The following SPATA1 variants were observed in gnomAD, a reference collection of about 807,000 sequenced individuals.
SPATA1 encodes spermatogenesis-associated protein 1.
A neutral mutation model predicts 59.6 loss-of-function variants in SPATA1; 57 were observed. The observed-to-expected ratio is 0.96, with a 90% confidence interval of 0.77 to 1.19. The LOEUF is 1.19. SPATA1 is among the 50% of genes most tolerant of loss of function. The pLI, the probability that SPATA1 is intolerant of heterozygous loss-of-function variation, is 0.00. For missense variants in SPATA1, 448 were observed against 480.7 expected (o/e 0.93, Z 0.64); for synonymous variants, 147 against 163.9 (o/e 0.90, Z 0.79).
intron 1 of SPATA1, chr1:84,507,349 C>T (rs985210897): frequency 3.9e-5 from 6 of 152,162 alleles, no homozygotes; most frequent in African/African-American, 1.4e-4. Flanking sequence ...CAAAAATGTA[C>T]ATCGTAAGTT....
intron 2 of SPATA1, among the ~76,000 whole-genome samples, chr1:84,517,287 T>C (rs1173632057): frequency 1.3e-5 from 2 of 152,120 alleles, no homozygotes; most frequent in African/African-American, 2.4e-5. Context: ...GACCTCTTAA[T>C]TTTGGCATAC....
chr1:84,511,460 G>A (rs1368531390), intron 1 of SPATA1, among the ~76,000 whole-genome samples: 1 of 152,034 alleles, frequency 6.6e-6, no homozygotes, highest in Non-Finnish European at 1.5e-5. Context: ...TCAACACTAG[G>A]ACGTGTCTAG....
chr1:84,550,875 T>C (rs1684250215), intron 12 of SPATA1: 19 of 985,564 alleles, frequency 1.9e-5, no homozygotes, highest in Non-Finnish European at 2.3e-5. Flanking sequence ...AGCTCTCCTC[T>C]GAACTGACAT....
At position 84,525,258 on chromosome 1, in the gene SPATA1, C is replaced by A. The variant is rs897467013; in HGVS notation, c.262-438C>A. ...CTGAGATTACAGGCGTGAGTCACCA[C>A]GCCCAGTCCCCCAATATTTGTTAAA... On this transcript the variant is annotated intron_variant, in intron 4 of 12. Coordinates refer to ENST00000490879, the Ensembl canonical transcript of SPATA1. Among the ~76,000 whole-genome samples the A allele has an allele frequency of 2.0e-5, 3 of 152,204 alleles. No individual in the cohort carries two copies. In the East Asian group the frequency reaches 5.8e-4, roughly 29 times the overall value.
intron 8 of SPATA1, among the ~76,000 whole-genome samples, chr1:84,542,914 G>A (rs577416831): frequency 6.6e-6 from 1 of 152,216 alleles, no homozygotes; most frequent in South Asian, 2.1e-4. Flanking sequence ...TGAAAACACA[G>A]ATAGAACTCA....
intron 6 of SPATA1, among the ~76,000 whole-genome samples, chr1:84,527,863 T>A (rs6688331): frequency 0.016 from 2,490 of 152,208 alleles, 66 homozygotes; most frequent in African/African-American, 0.056. Flanking sequence ...CCTAAGTACC[T>A]GGGACTACAG....
Position 84,548,750 on chromosome 1 carries a change from C to CTTTTTTTT in SPATA1, c.947-12_947-5dup, listed in dbSNP as rs56250726. The CTTTTTTTT allele has an allele frequency of 8.7e-6, 8 of 915,452 alleles. No individual in the cohort carries two copies. The East Asian group carries it at 2.5e-4, about 29-fold the overall frequency. 56.7% of individuals were successfully genotyped at this position (915,452 alleles called of 1,614,324 possible). On this transcript the variant is annotated intron_variant, in intron 10 of 12. Transcript: ENST00000490879. ...TTTAATACTCAAACGAAGGCCTTTCCTTTTTTTTTTTTTTTTTTTTTTTTT... is the reference window on the plus strand; with the variant it reads ...TTTAATACTCAAACGAAGGCCTTTCCTTTTTTTTTTTTTTTTTTTTTTTTTTTTTTTTT...
intron 2 of SPATA1, among the ~76,000 whole-genome samples, chr1:84,518,968 T>A (rs1006224918): frequency 2.0e-5 from 3 of 152,108 alleles, no homozygotes; most frequent in South Asian, 2.1e-4. Flanking sequence ...TTTTAAAAAA[T>A]TTTAAAAATT....
intron 8 of SPATA1, among the ~76,000 whole-genome samples, chr1:84,537,335 T>C (rs1683739556): frequency 6.6e-6 from 1 of 152,200 alleles, no homozygotes; most frequent in South Asian, 2.1e-4. Flanking sequence ...CTAATCATGA[T>C]GTTCCTGAGA....
intron 4 of SPATA1, among the ~76,000 whole-genome samples, chr1:84,563,067 C>T (rs1387950387): frequency 6.6e-6 from 1 of 152,156 alleles, no homozygotes; most frequent in Non-Finnish European, 1.5e-5. Flanking sequence ...ATTAGCAAAA[C>T]TCCAATTGCT....
At chr1:84,511,656 T>C (rs1218614325) in intron 1 of SPATA1, among the ~76,000 whole-genome samples, 1 of 73,250 alleles carries the variant, frequency 1.4e-5, no homozygotes, top group African/African-American at 1.1e-4. Flanking sequence ...CATTTCAGGC[T>C]TTTTTTTTTT....
intron 1 of SPATA1, chr1:84,507,074 A>G (rs1348958655): frequency 1.3e-5 from 2 of 152,086 alleles, no homozygotes; most frequent in East Asian, 3.9e-4. Context: ...AGTTTTTAGG[A>G]GAGAGGGTAG....
chr1:84,508,686 G>T (rs1682392845), intron 1 of SPATA1, among the ~76,000 whole-genome samples: 1 of 152,178 alleles, frequency 6.6e-6, no homozygotes, highest in African/African-American at 2.4e-5. Flanking sequence ...AGAGTCACAT[G>T]CTGTACTTTG....
At chr1:84,547,796 G>A (rs1461098022) in intron 10 of SPATA1, among the ~76,000 whole-genome samples, 1 of 152,114 alleles carries the variant, frequency 6.6e-6, no homozygotes, top group Non-Finnish European at 1.5e-5. Flanking sequence ...GGAATAAATG[G>A]GCCAAATCAA....
At chr1:84,528,706 T>C (rs891373405) in intron 6 of SPATA1, among the ~76,000 whole-genome samples, 1 of 152,236 alleles carries the variant, frequency 6.6e-6, no homozygotes, top group South Asian at 2.1e-4. Flanking sequence ...TAAATGTGCA[T>C]GTGCAAGAGA....
At chr1:84,548,692 C>T (rs1354520631) in intron 10 of SPATA1, 94 bp from the exon 11 acceptor site, 19 of 1,320,480 alleles carry the variant, frequency 1.4e-5, no homozygotes, top group Admixed American at 3.8e-5. Context: ...GACATTAGCT[C>T]TAGGATCCTT....
chr1:84,512,242 T>G (rs537309945), intron 1 of SPATA1, among the ~76,000 whole-genome samples: 1 of 152,340 alleles, frequency 6.6e-6, no homozygotes, highest in African/African-American at 2.4e-5. Flanking sequence ...CCCTTTCACT[T>G]GTTGCATTCC....
intron 1 of SPATA1, among the ~76,000 whole-genome samples, chr1:84,509,385 G>C (rs1194874385): frequency 6.6e-6 from 1 of 152,236 alleles, no homozygotes; most frequent in Non-Finnish European, 1.5e-5. Flanking sequence ...AATGAAGCTA[G>C]ATGTCTCTCT....
intron 10 of SPATA1, among the ~76,000 whole-genome samples, chr1:84,546,284 T>C (rs913435054): frequency 2.0e-5 from 3 of 151,892 alleles, no homozygotes; most frequent in African/African-American, 7.3e-5. Context: ...CGAAACTCCG[T>C]CTCTACTAAA....
Sources: allele counts gnomAD v4.1 joint callset (sites outside exome capture counted in the v4.1 genomes callset), GRCh38; gene constraint gnomAD v4.1.1; transcripts MANE v1.5; gene names NCBI Gene and HGNC (gene_info 2026-07-23, HGNC 2026-07-21).